The following RSPO2 variants were observed in gnomAD, a reference collection of about 807,000 sequenced individuals.
RSPO2 encodes the protein R-spondin-2.
RSPO2 carries 14 observed loss-of-function variants against 30.9 expected under a neutral mutation model. The ratio of observed to expected loss-of-function variants is 0.45; its 90% CI spans 0.30 to 0.71. The LOEUF (loss-of-function observed/expected upper bound fraction) is 0.71, where lower values mean the gene tolerates loss of function less well. RSPO2 is among the 30% of genes least tolerant of loss of function. RSPO2 has a pLI of 0.08. For synonymous variants in RSPO2, 107 were observed against 96.4 expected (o/e 1.11, Z -0.64); for missense variants, 264 against 301.9 (o/e 0.87, Z 0.93).
chr8:108,018,479 C>T (rs1224884447), intron 2 of RSPO2, among the ~76,000 whole-genome samples: 2 of 152,198 alleles, frequency 1.3e-5, no homozygotes, highest in Non-Finnish European at 2.9e-5. Context: ...TGAGTACTTT[C>T]CTACATAAGA....
intron 5 of RSPO2, among the ~76,000 whole-genome samples, chr8:107,918,023 A>G (rs1427718698): frequency 6.6e-6 from 1 of 152,164 alleles, no homozygotes; most frequent in Non-Finnish European, 1.5e-5. Context: ...AATAGAGAAA[A>G]AGACTTTTGG....
intron 2 of RSPO2, among the ~76,000 whole-genome samples, chr8:108,003,277 GTATATATA>G (rs59782097): frequency 3.5e-5 from 2 of 56,370 alleles, no homozygotes; most frequent in Admixed American, 5.6e-4. Context: ...GTGTGTGTGT[GTATATATA>G]TATATATATA....
intron 5 of RSPO2, among the ~76,000 whole-genome samples, chr8:107,910,422 A>G (rs964610575): frequency 2.6e-5 from 4 of 152,212 alleles, no homozygotes; most frequent in African/African-American, 9.6e-5. Flanking sequence ...AGTCCCAACT[A>G]CTCAGAAGCC....
intron 2 of RSPO2, among the ~76,000 whole-genome samples, chr8:108,042,228 A>G (rs926067287): frequency 6.6e-6 from 1 of 152,090 alleles, no homozygotes; most frequent in African/African-American, 2.4e-5. Context: ...AAGAAACCCT[A>G]TTGAGCTAAG....
At chr8:108,028,746 C>T (rs574241822) in intron 2 of RSPO2, among the ~76,000 whole-genome samples, 1 of 152,266 alleles carries the variant, frequency 6.6e-6, no homozygotes, top group South Asian at 2.1e-4. Context: ...GCCAACTTTA[C>T]AGGTAAGAAA....
chr8:107,927,638 G>C (rs534829191), intron 5 of RSPO2, among the ~76,000 whole-genome samples: 1 of 152,138 alleles, frequency 6.6e-6, no homozygotes, highest in Admixed American at 6.5e-5. Context: ...GGCCTTTTCT[G>C]CATCTATTGA....
chr8:107,927,761 T>C (rs1217834053), intron 5 of RSPO2, among the ~76,000 whole-genome samples: 1 of 152,134 alleles, frequency 6.6e-6, no homozygotes, highest in Non-Finnish European at 1.5e-5. Flanking sequence ...TTGATCATGG[T>C]GGATAAGCTT....
chr8:107,995,079 G>A (rs1814970238), intron 2 of RSPO2, among the ~76,000 whole-genome samples: 1 of 152,068 alleles, frequency 6.6e-6, no homozygotes, highest in South Asian at 2.1e-4. Flanking sequence ...TTCAGGATCA[G>A]GAATCAAGGC....
chr8:107,986,959 A>G (rs946842686), intron 3 of RSPO2, among the ~76,000 whole-genome samples: 1 of 152,292 alleles, frequency 6.6e-6, no homozygotes, highest in South Asian at 2.1e-4. Flanking sequence ...CAAAATTCAT[A>G]TTTGCAAACA....
chr8:107,904,841 C>T (rs1811587542), intron 5 of RSPO2, among the ~76,000 whole-genome samples: 1 of 151,972 alleles, frequency 6.6e-6, no homozygotes, highest in Non-Finnish European at 1.5e-5. Context: ...CAAGATTATC[C>T]TCAAAATGAA....
chr8:107,913,622 C>T (rs1402924646), intron 5 of RSPO2, among the ~76,000 whole-genome samples: 1 of 152,120 alleles, frequency 6.6e-6, no homozygotes, highest in African/African-American at 2.4e-5. Flanking sequence ...AGCACATTTC[C>T]AAGGTTGTAA....
intron 3 of RSPO2, among the ~76,000 whole-genome samples, chr8:107,964,618 C>T (rs777253746): frequency 4.6e-5 from 7 of 152,130 alleles, no homozygotes; most frequent in Non-Finnish European, 1.0e-4. Flanking sequence ...CCCTTGATGA[C>T]CTTTCCTCAG....
At chr8:107,980,686 AT>A (rs1814398142) in intron 3 of RSPO2, among the ~76,000 whole-genome samples, 1 of 152,112 alleles carries the variant, frequency 6.6e-6, no homozygotes, top group Non-Finnish European at 1.5e-5. Flanking sequence ...ATGCTCATGC[AT>A]TTCCTCTAAA....
At chr8:108,056,242 A>G (rs951583462) in intron 2 of RSPO2, among the ~76,000 whole-genome samples, 10 of 152,160 alleles carry the variant, frequency 6.6e-5, no homozygotes, top group Admixed American at 6.6e-5. Flanking sequence ...CTATGCCCGG[A>G]GTCTTATGCT....
intron 2 of RSPO2, among the ~76,000 whole-genome samples, chr8:107,991,512 A>G (rs1458644644): frequency 2.0e-5 from 3 of 152,218 alleles, no homozygotes; most frequent in Non-Finnish European, 4.4e-5. Context: ...CATGATAAAG[A>G]TGCCAAAAGC....
At chr8:108,041,851 G>A (rs1811768664) in intron 2 of RSPO2, among the ~76,000 whole-genome samples, 1 of 152,008 alleles carries the variant, frequency 6.6e-6, no homozygotes, top group African/African-American at 2.4e-5. Context: ...GCAGGGGGTT[G>A]GCATCACAAC....
At chr8:108,003,305 ATATATATTTTTT>A (rs1815334130) in intron 2 of RSPO2, among the ~76,000 whole-genome samples, 3 of 26,438 alleles carry the variant, frequency 1.1e-4, no homozygotes, top group African/African-American at 6.4e-4. Context: ...ATATATATAT[ATATATATTTTTT>A]TTTTTTTTTT....
intron 3 of RSPO2, among the ~76,000 whole-genome samples, chr8:107,966,397 C>A (rs530596841): frequency 1.3e-5 from 2 of 152,230 alleles, no homozygotes; most frequent in East Asian, 1.9e-4. Context: ...GAAAGCTCTA[C>A]AGAGAGGCAA....
chr8:107,911,046 G>T (rs999572919), intron 5 of RSPO2, among the ~76,000 whole-genome samples: 1 of 152,146 alleles, frequency 6.6e-6, no homozygotes, highest in Non-Finnish European at 1.5e-5. Context: ...ACTGAAAGTG[G>T]TCAGGAACCA....
Sources: gnomAD v4.1 joint callset for allele counts (sites outside exome capture counted in the v4.1 genomes callset) on GRCh38, gnomAD v4.1.1 for gene constraint, MANE v1.5 for transcripts, NCBI Gene and HGNC (gene_info 2026-07-23, HGNC 2026-07-21) for gene names.